The following GPHN variants were observed in gnomAD, a reference collection of about 807,000 sequenced individuals.
GPHN encodes the protein gephyrin.
In GPHN, 17 loss-of-function variants were observed where a neutral mutation model predicts 95.5. The ratio of observed to expected loss-of-function variants is 0.18; its 90% CI spans 0.12 to 0.27. GPHN has a LOEUF of 0.27. Among genes scored for constraint, GPHN ranks in the 10% least tolerant of loss-of-function variants. GPHN has a pLI of 1.00. For synonymous variants in GPHN, 320 were observed against 322.5 expected, an observed-to-expected ratio of 0.99 and a Z score of 0.08; for missense variants, 660 against 978.1, an observed-to-expected ratio of 0.67 and a Z score of 4.34.
At chr14:67,727,282 C>T in the GPHN span, 1,492 of 903,866 alleles carry the variant, frequency 1.7e-3, 36 homozygotes, top group Non-Finnish European at 2.4e-4. Flanking sequence ...CAAACATGCA[C>T]GTGTCAGTAA....
At chr14:66,827,283 C>CAA (rs1214931662) in intron 4 of GPHN, among the ~76,000 whole-genome samples, 1 of 134,048 alleles carries the variant, frequency 7.5e-6, no homozygotes, top group African/African-American at 2.7e-5. Flanking sequence ...GACCCTGTCT[C>CAA]AAAAAAAAAA....
In GPHN at chr14:66,988,121, C is replaced by T. The variant is rs560794093; in HGVS notation, c.963+22796C>T. Among the ~76,000 whole-genome samples the T allele has an allele frequency of 5.0e-4, 76 of 150,966 alleles. 1 individual carries two copies. The Middle Eastern group carries it at 0.02, about 41-fold the overall frequency. On this transcript the variant is annotated intron_variant, in intron 9 of 22. Coordinates refer to ENST00000478722, the MANE Select transcript of GPHN (RefSeq NM_020806.5). ...TTTTTCCTTTCTGTCTCTTTTCCCC[C>T]TCTTTCTTTCTTTTCTAGCTGCGGC... is the stretch of plus-strand genomic sequence containing the variant.
At chr14:66,709,196 A>G (rs2069373545) in intron 2 of GPHN, among the ~76,000 whole-genome samples, 1 of 152,218 alleles carries the variant, frequency 6.6e-6, no homozygotes, top group South Asian at 2.1e-4. Context: ...ACAGCTTTCA[A>G]TAACTAAAAG....
At chr14:66,543,411 ATGT>A (rs993298396) in intron 1 of GPHN, among the ~76,000 whole-genome samples, 6 of 151,984 alleles carry the variant, frequency 3.9e-5, no homozygotes, top group South Asian at 4.1e-4. Context: ...GACTTCTGGG[ATGT>A]TATACTTTAA....
chr14:66,606,667 G>A (rs573738661), intron 1 of GPHN, among the ~76,000 whole-genome samples: 36 of 152,118 alleles, frequency 2.4e-4, no homozygotes, highest in Admixed American at 2.4e-3. Context: ...GTGTTTTGTA[G>A]TTCTTGTAGA....
chr14:67,553,206 A>G, the GPHN span, among the ~76,000 whole-genome samples: 1 of 152,234 alleles, frequency 6.6e-6, no homozygotes, highest in South Asian at 2.1e-4. Flanking sequence ...TGGAAAGCCT[A>G]TGCCTTCTTC....
the GPHN span, chr14:67,621,053 C>A: frequency 1.5e-6 from 2 of 1,309,730 alleles, no homozygotes; most frequent in African/African-American, 1.5e-5. Context: ...GACTACACAG[C>A]TTTGTGTTTG....
At chr14:67,165,350 C>T (rs183851004) in intron 20 of GPHN, 124 bp downstream of exon 20, 13 of 695,396 alleles carry the variant, frequency 1.9e-5, no homozygotes, top group Middle Eastern at 2.4e-4. Context: ...CTTTTCTAAA[C>T]GACCAATCAC....
chr14:66,996,115 G>T, intron 9 of GPHN: 2 of 1,155,974 alleles, frequency 1.7e-6, no homozygotes, highest in South Asian at 1.3e-5. Flanking sequence ...AACCCTCTGT[G>T]ACCCTTACTA....
At position 67,181,097 on chromosome 14, in the gene GPHN, G is replaced by A; in HGVS notation, c.*160G>A. On this transcript the variant is annotated 3_prime_UTR_variant, in exon 23 of 23. Transcript: ENST00000478722. ...CAAATGAATTTAAATATCTTTTAAAGAAAAAAACACCTAAAAATAAATCTT... is the reference window on the plus strand; with the variant it reads ...CAAATGAATTTAAATATCTTTTAAAAAAAAAAACACCTAAAAATAAATCTT... The A allele has an allele frequency of 2.8e-6, 2 of 712,102 alleles. No homozygotes were observed. Among genetic ancestry groups the A allele is most frequent in the Middle Eastern group, 4.0e-4 (1 of 2,520 alleles). The allele number at this position is 712,102 out of a possible 1,614,324, so 44.1% of individuals were successfully genotyped here.
chr14:66,838,297 C>G (rs1035889348), intron 4 of GPHN, among the ~76,000 whole-genome samples: 10 of 151,954 alleles, frequency 6.6e-5, no homozygotes, highest in African/African-American at 2.2e-4. Flanking sequence ...CTATTGTTAT[C>G]TACAATATGT....
the GPHN span, among the ~76,000 whole-genome samples, chr14:67,341,183 AGT>A: frequency 6.6e-6 from 1 of 150,802 alleles, no homozygotes; most frequent in Non-Finnish European, 1.5e-5. Context: ...CAGTCTGGAA[AGT>A]GAGGAGCGTC....
the GPHN span, among the ~76,000 whole-genome samples, chr14:67,731,393 C>T: frequency 2.0e-5 from 3 of 151,316 alleles, no homozygotes; most frequent in Non-Finnish European, 4.4e-5. Flanking sequence ...TTTTGTATTT[C>T]TAGTAGAGAT....
the GPHN span, among the ~76,000 whole-genome samples, chr14:67,411,851 A>G: frequency 6.6e-6 from 1 of 151,988 alleles, no homozygotes; most frequent in African/African-American, 2.4e-5. Context: ...GTCCCCTCGG[A>G]CATGCAGCTC....
At chr14:67,718,503 C>A in the GPHN span, among the ~76,000 whole-genome samples, 3 of 152,338 alleles carry the variant, frequency 2.0e-5, no homozygotes, top group East Asian at 5.8e-4. Context: ...GATCTCCACA[C>A]ATCCCTGCCT....
chr14:66,847,865 G>C (rs987551064), intron 4 of GPHN, among the ~76,000 whole-genome samples: 13 of 151,692 alleles, frequency 8.6e-5, no homozygotes, highest in Non-Finnish European at 1.8e-4. Flanking sequence ...CCCCCTATTT[G>C]CCCTCCTACC....
At chr14:67,600,257 C>CCTGGCCGTCTCGCCCGCT in the GPHN span, 1 of 1,435,690 alleles carries the variant, frequency 7.0e-7, no homozygotes. Flanking sequence ...GCTCGCCGGC[C>CCTGGCCGTCTCGCCCGCT]CTGGCCGTCT....
At chr14:66,794,718 G>A (rs1204495846) in intron 3 of GPHN, among the ~76,000 whole-genome samples, 3 of 152,054 alleles carry the variant, frequency 2.0e-5, no homozygotes, top group African/African-American at 7.2e-5. Context: ...CCAGTAGATT[G>A]TCTACTTTGG....
intron 1 of GPHN, among the ~76,000 whole-genome samples, chr14:66,532,308 G>C (rs903357884): frequency 6.6e-6 from 1 of 152,146 alleles, no homozygotes; most frequent in East Asian, 1.9e-4. Flanking sequence ...CCAGGGCTTT[G>C]GTTCTCCTAC....
Sources: allele counts gnomAD v4.1 joint callset (sites outside exome capture counted in the v4.1 genomes callset), GRCh38; gene constraint gnomAD v4.1.1; transcripts MANE v1.5; gene names NCBI Gene and HGNC (gene_info 2026-07-23, HGNC 2026-07-21).